The following ZNF215 variants were observed in gnomAD, a reference collection of about 807,000 sequenced individuals.
ZNF215 encodes BWSCR2-associated zinc finger protein 2.
A neutral mutation model predicts 27.2 loss-of-function variants in ZNF215; 24 were observed. That is an observed-to-expected ratio of 0.88 (90% CI 0.64 to 1.24). The LOEUF is 1.24. ZNF215 is among the 50% of genes most tolerant of loss of function. ZNF215 has a pLI of 0.00. For synonymous variants in ZNF215, 210 were observed against 204.0 expected, an observed-to-expected ratio of 1.03 and a Z score of -0.25; for missense variants, 675 against 605.7, an observed-to-expected ratio of 1.11 and a Z score of -1.20.
Position 6,953,807 on chromosome 11 carries a change from C to T in ZNF215, c.713-1883C>T, listed in dbSNP as rs556454395. ...CTGCGTTCCTTTGGAGGAGGAGAGG[C>T]ACTCTGCTCTTTAGAGTTTCCAGTT... On this transcript the variant is annotated intron_variant, in intron 6 of 6. Transcript: ENST00000278319. Among the ~76,000 whole-genome samples the T allele has an allele frequency of 1.2e-4, 18 of 152,230 alleles. No homozygotes were observed. The South Asian group carries it at 1.2e-3, about 11-fold the overall frequency.
downstream of ZNF215, among the ~76,000 whole-genome samples, chr11:6,989,696 C>A (rs950069966): frequency 9.2e-5 from 14 of 152,190 alleles, no homozygotes; most frequent in African/African-American, 2.9e-4. Context: ...AAGTAGCTTC[C>A]TGTGACCAGC....
In ZNF215 at chr11:6,957,244, A is replaced by G; in HGVS notation, c.*713A>G. On this transcript the variant is annotated 3_prime_UTR_variant, in exon 7 of 7. Coordinates refer to ENST00000278319, the MANE Select transcript of ZNF215 (RefSeq NM_013250.4). ...AATTGTTATGATGTTGATGAGAAAA[A>G]TATCGATTCCCAGCCAGGGACACTG... The G allele has an allele frequency of 2.1e-6, 2 of 960,490 alleles. No individual in the cohort carries two copies. The highest frequency in any genetic ancestry group is 2.5e-6 in the Non-Finnish European group (2 of 807,338). The allele number at this position is 960,490 out of a possible 1,614,324, so 59.5% of individuals were successfully genotyped here.
chr11:6,975,685 C>G (rs993844418), intron 5 of ZNF215, among the ~76,000 whole-genome samples: 7 of 152,132 alleles, frequency 4.6e-5, no homozygotes, highest in Non-Finnish European at 8.8e-5. Flanking sequence ...GGATCTCATT[C>G]TTTTTTATGG....
intron 5 of ZNF215, among the ~76,000 whole-genome samples, chr11:6,967,052 C>T (rs766803296): frequency 6.6e-6 from 1 of 152,008 alleles, no homozygotes; most frequent in Non-Finnish European, 1.5e-5. Context: ...TGAGTGAGAA[C>T]ATGCAGTGTT....
downstream of ZNF215, among the ~76,000 whole-genome samples, chr11:6,993,214 A>G (rs765381106): frequency 6.6e-6 from 1 of 151,974 alleles, no homozygotes; most frequent in Non-Finnish European, 1.5e-5. Flanking sequence ...AGGACACCCT[A>G]CTCTGTATCT....
intron 5 of ZNF215, among the ~76,000 whole-genome samples, chr11:6,981,366 G>A (rs1223286244): frequency 5.3e-5 from 8 of 151,630 alleles, no homozygotes; most frequent in African/African-American, 1.2e-4. Flanking sequence ...GCCAGTGATG[G>A]TGAGCATTTT....
In ZNF215 at chr11:6,955,834, A is replaced by C; in HGVS notation, c.857A>C (p.Gln286Pro). 1 of 1,613,702 alleles carries C rather than the reference A, an allele frequency of 6.2e-7. No individual in the cohort carries two copies. Among genetic ancestry groups the C allele is most frequent in the South Asian group, 1.1e-5 (1 of 90,840 alleles). The change falls in exon 7 of 7, where the codon CAA becomes CCA. Residue 286 changes from glutamine to proline, a missense_variant. Transcript: ENST00000278319. ...NQKKWDINLP[Q>P]EAFIPETIYT... ...AAAAAATGGGACATAAATTTGCCAC[A>C]AGAGGCTTTCATTCCTGAGACAATT...
At chr11:6,944,739 C>G (rs1239984255) in intron 6 of ZNF215, among the ~76,000 whole-genome samples, 1 of 151,938 alleles carries the variant, frequency 6.6e-6, no homozygotes, top group Non-Finnish European at 1.5e-5. Context: ...TGTTTTATCT[C>G]TGTGGTTTCT....
rs924054175 is a variant in ZNF215 at position 6,983,675 on chromosome 11, C to T, written c.806-454C>T. Among the ~76,000 whole-genome samples, 49 of 152,030 alleles carry T rather than the reference C, an allele frequency of 3.2e-4. 2 individuals are homozygous for T. Among genetic ancestry groups the T allele is most frequent in the African/African-American group, 1.2e-3 (49 of 41,380 alleles). ...AATATTATGAAGTGGAAATAGCAAA[C>T]TCAGAGACATTGTTTTAAACTTGTT... is the stretch of plus-strand genomic sequence containing the variant. On this transcript the variant is annotated intron_variant, in intron 5 of 5. Coordinates refer to the ZNF215 transcript ENST00000529903.
intron 5 of ZNF215, among the ~76,000 whole-genome samples, chr11:6,982,324 C>T (rs1392883082): frequency 6.6e-6 from 1 of 152,022 alleles, no homozygotes; most frequent in Non-Finnish European, 1.5e-5. Flanking sequence ...TTTAACACCC[C>T]ACTATCAACA....
intron 6 of ZNF215, among the ~76,000 whole-genome samples, chr11:6,951,683 A>G (rs1850075951): frequency 6.6e-6 from 1 of 152,132 alleles, no homozygotes; most frequent in South Asian, 2.1e-4. Context: ...TCAAAAAACC[A>G]GCTCCTGGAT....
At chr11:6,930,503 T>G (rs11820166) in intron 2 of ZNF215, among the ~76,000 whole-genome samples, 9,219 of 152,266 alleles carry the variant, frequency 0.061, 347 homozygotes, top group East Asian at 0.16. Context: ...TTGAGAAACC[T>G]GGCTCTTACC....
downstream of ZNF215, among the ~76,000 whole-genome samples, chr11:6,960,082 G>A (rs928661934): frequency 6.6e-6 from 1 of 151,928 alleles, no homozygotes; most frequent in Non-Finnish European, 1.5e-5. Flanking sequence ...AATAAACAAG[G>A]GAAATGTTCT....
chr11:6,976,812 T>G (rs1013272924), intron 5 of ZNF215, among the ~76,000 whole-genome samples: 7 of 152,124 alleles, frequency 4.6e-5, no homozygotes, highest in Non-Finnish European at 8.8e-5. Flanking sequence ...GTTTCTTCTA[T>G]AAGTTTCCTG....
At chr11:6,951,179 T>G (rs1480016313) in intron 6 of ZNF215, among the ~76,000 whole-genome samples, 1 of 152,118 alleles carries the variant, frequency 6.6e-6, no homozygotes, top group African/African-American at 2.4e-5. Flanking sequence ...ATCAAGGATA[T>G]TGGTCTAAAA....
At chr11:6,966,778 TA>T (rs1850628578) in intron 5 of ZNF215, among the ~76,000 whole-genome samples, 1 of 151,934 alleles carries the variant, frequency 6.6e-6, no homozygotes, top group Admixed American at 6.6e-5. Context: ...GGTAGATGCT[TA>T]TTTTTTTTTA....
At chr11:6,949,455 A>G (rs1420391530) in intron 6 of ZNF215, among the ~76,000 whole-genome samples, 1 of 152,198 alleles carries the variant, frequency 6.6e-6, no homozygotes, top group Non-Finnish European at 1.5e-5. Context: ...CTGGTGTGAG[A>G]TGGTATCTCA....
chr11:6,961,821 T>C (rs1590077628), downstream of ZNF215, among the ~76,000 whole-genome samples: 1 of 152,162 alleles, frequency 6.6e-6, no homozygotes, highest in African/African-American at 2.4e-5. Flanking sequence ...ACTTGCACTC[T>C]CGACACCTTG....
intron 3 of ZNF215, among the ~76,000 whole-genome samples, chr11:6,936,157 C>T (rs1362851809): frequency 4.6e-5 from 7 of 151,756 alleles, no homozygotes; most frequent in African/African-American, 1.7e-4. Flanking sequence ...AATATTAGAA[C>T]AAAGATAAAT....
Sources: allele counts gnomAD v4.1 joint callset (sites outside exome capture counted in the v4.1 genomes callset), GRCh38; gene constraint gnomAD v4.1.1; transcripts MANE v1.5; gene names NCBI Gene and HGNC (gene_info 2026-07-23, HGNC 2026-07-21).